Variants in ALPL observed in about 807,000 individuals in gnomAD.
The protein encoded by ALPL is alkaline phosphatase, tissue-nonspecific isozyme.
A neutral mutation model predicts 51.3 loss-of-function variants in ALPL; 42 were observed. The observed-to-expected ratio is 0.82, with a 90% CI of 0.64 to 1.06. The LOEUF (loss-of-function observed/expected upper bound fraction) is 1.06. Among genes scored for constraint, ALPL ranks in the 50% least tolerant of loss-of-function variants. The pLI, the probability that ALPL is intolerant of heterozygous loss-of-function variation, is 0.00. For missense variants in ALPL, 589 were observed against 709.4 expected, an observed-to-expected ratio of 0.83 and a Z score of 1.93; for synonymous variants, 279 against 296.4, an observed-to-expected ratio of 0.94 and a Z score of 0.60.
At chr1:21,576,253 TGATG>T (rs1558557824) in intron 10 of ALPL, among the ~76,000 whole-genome samples, 1 of 57,380 alleles carries the variant, frequency 1.7e-5, no homozygotes, top group African/African-American at 5.6e-5. Flanking sequence ...GATGGATGGA[TGATG>T]GATGGATGGA....
At chr1:21,547,715 G>A (rs1406230685) in intron 1 of ALPL, among the ~76,000 whole-genome samples, 1 of 152,210 alleles carries the variant, frequency 6.6e-6, no homozygotes, top group Non-Finnish European at 1.5e-5. Context: ...GCGCATAGTC[G>A]AAGACTAGCC....
At chr1:21,512,670 G>A (rs1643712688) in intron 1 of ALPL, among the ~76,000 whole-genome samples, 1 of 152,104 alleles carries the variant, frequency 6.6e-6, no homozygotes, top group African/African-American at 2.4e-5. Flanking sequence ...ATCAAGATAT[G>A]ATGCTCAGTG....
intron 1 of ALPL, among the ~76,000 whole-genome samples, chr1:21,547,351 C>A (rs1436428595): frequency 1.3e-5 from 2 of 152,124 alleles, no homozygotes; most frequent in African/African-American, 4.8e-5. Flanking sequence ...GCTAGTGTGA[C>A]CGAGTGTGTG....
At chr1:21,528,440 T>C (rs1643981957) in intron 1 of ALPL, among the ~76,000 whole-genome samples, 1 of 149,204 alleles carries the variant, frequency 6.7e-6, no homozygotes, top group Admixed American at 6.8e-5. Context: ...CTCTGCCTCC[T>C]GGATTCAAGC....
At chr1:21,528,016 GTTTT>G (rs913674930) in intron 1 of ALPL, among the ~76,000 whole-genome samples, 4 of 146,308 alleles carry the variant, frequency 2.7e-5, no homozygotes, top group East Asian at 1.9e-4. Context: ...TTTTTTTTTT[GTTTT>G]TTTGTTTTTT....
chr1:21,558,272 G>A lies in ALPL; in HGVS notation c.62-2354G>A, dbSNP rs1031930824. Among the ~76,000 whole-genome samples the A allele has an allele frequency of 6.6e-5, 10 of 152,300 alleles. No individual in the cohort carries two copies. The East Asian group carries it at 1.2e-3, about 18-fold the overall frequency. On this transcript the variant is annotated intron_variant, in intron 2 of 11. Transcript: ENST00000374840. ...TGAACAAGGGCAACAGGTGTGGGGC[G>A]GGCTGATGTCAGCCCAGCCCTGGGA...
chr1:21,520,439 C>A, intron 1 of ALPL, among the ~76,000 whole-genome samples: 1 of 149,112 alleles, frequency 6.7e-6, no homozygotes, highest in East Asian at 2.0e-4. Flanking sequence ...GCATATTTTT[C>A]AGTTTTTAAA....
At chr1:21,568,969 G>C (rs1035245736) in intron 7 of ALPL, among the ~76,000 whole-genome samples, 1 of 152,178 alleles carries the variant, frequency 6.6e-6, no homozygotes, top group Non-Finnish European at 1.5e-5. Context: ...AAATGACTGT[G>C]GTCAGGGCTG....
At position 21,577,543 on chromosome 1, in the gene ALPL, C is replaced by T. The variant is rs771120248; in HGVS notation, c.1470C>T (p.Ile490=). The change falls in exon 12 of 12, where the codon ATC becomes ATT. Residue 490 remains isoleucine, a synonymous_variant. Coordinates refer to ENST00000374840, the MANE Select transcript of ALPL (RefSeq NM_000478.6). ...VPHVMAYAAC[I]GANLGHCAPA... is the part of the protein sequence containing the mutation. ...ACGTGATGGCGTATGCAGCCTGCAT[C>T]GGGGCCAACCTCGGCCACTGTGCTC... 52 of 1,606,022 alleles carry T rather than the reference C, an allele frequency of 3.2e-5. 1 individual carries two copies. Among genetic ancestry groups the T allele is most frequent in the Middle Eastern group, 1.6e-4 (1 of 6,084 alleles).
intron 1 of ALPL, among the ~76,000 whole-genome samples, chr1:21,541,221 C>G (rs775812722): frequency 1.3e-5 from 2 of 152,246 alleles, no homozygotes; most frequent in Admixed American, 6.5e-5. Context: ...CATTTGCTCC[C>G]CCTCCCCATA....
At chr1:21,522,306 C>G (rs773327057) in intron 1 of ALPL, among the ~76,000 whole-genome samples, 66 of 152,160 alleles carry the variant, frequency 4.3e-4, no homozygotes, top group Non-Finnish European at 7.6e-4. Context: ...CATCTCCTGA[C>G]TTCATGATCC....
At chr1:21,532,036 A>T (rs1190120071) in intron 1 of ALPL, among the ~76,000 whole-genome samples, 1 of 152,012 alleles carries the variant, frequency 6.6e-6, no homozygotes, top group Non-Finnish European at 1.5e-5. Context: ...CAGGAGCCAT[A>T]TGTCTTCTCT....
Position 21,510,575 on chromosome 1 carries a change from T to C in ALPL, c.-105+1058T>C, listed in dbSNP as rs112993866. Among the ~76,000 whole-genome samples the C allele has an allele frequency of 3.2e-3, 491 of 152,340 alleles. 7 individuals carry two copies. Among genetic ancestry groups the C allele is most frequent in the African/African-American group, 0.012 (484 of 41,578 alleles). ...ACATCTCATGTACATCATTTCATTT[T>C]ACAAATGGGGAAACTGAGGCTTAGA... On this transcript the variant is annotated intron_variant, in intron 1 of 11. Coordinates refer to ENST00000374840, the MANE Select transcript of ALPL (RefSeq NM_000478.6).
chr1:21,525,718 C>T (rs901283031), intron 1 of ALPL, among the ~76,000 whole-genome samples: 1 of 152,174 alleles, frequency 6.6e-6, no homozygotes, highest in Non-Finnish European at 1.5e-5. Context: ...CTGGGCTCCG[C>T]GGCTCACGCC....
intron 1 of ALPL, among the ~76,000 whole-genome samples, chr1:21,539,803 C>T (rs568749085): frequency 4.6e-5 from 7 of 152,076 alleles, no homozygotes; most frequent in South Asian, 2.1e-4. Flanking sequence ...TACAGGTGCC[C>T]GCCACCCAGC....
intron 8 of ALPL, among the ~76,000 whole-genome samples, chr1:21,571,532 C>T (rs781709273): frequency 2.0e-5 from 3 of 152,050 alleles, no homozygotes; most frequent in East Asian, 3.9e-4. Context: ...ATTAGCCTGG[C>T]GTGGTGGCGG....
chr1:21,545,273 G>T (rs111470186), intron 1 of ALPL, among the ~76,000 whole-genome samples: 14,148 of 150,532 alleles, frequency 0.094, 937 homozygotes, highest in African/African-American at 0.19. Context: ...AGTTTTGGGG[G>T]TTTTTTTGTT....
intron 1 of ALPL, among the ~76,000 whole-genome samples, chr1:21,525,726 G>A (rs534617715): frequency 6.6e-6 from 1 of 152,172 alleles, no homozygotes; most frequent in African/African-American, 2.4e-5. Flanking sequence ...CGCGGCTCAC[G>A]CCTGTAGTCC....
chr1:21,536,891 C>CTTTTT (rs10534586), intron 1 of ALPL, among the ~76,000 whole-genome samples: 1 of 79,362 alleles, frequency 1.3e-5, no homozygotes, highest in African/African-American at 5.3e-5. Context: ...GGTTCCTTCC[C>CTTTTT]TTTTTTTTTT....
Sources: allele counts gnomAD v4.1 joint callset (sites outside exome capture counted in the v4.1 genomes callset), GRCh38; gene constraint gnomAD v4.1.1; transcripts MANE v1.5; gene names NCBI Gene and HGNC (gene_info 2026-07-23, HGNC 2026-07-21).